MAPK10: variants seen among roughly 807,000 people sequenced by gnomAD.
The protein encoded by MAPK10 is JNK3 alpha protein kinase.
MAPK10 carries 25 observed loss-of-function variants against 59.3 expected under a neutral mutation model. The observed-to-expected ratio is 0.42, with a 90% CI of 0.31 to 0.59. MAPK10 has a LOEUF of 0.59. MAPK10 is among the 20% of genes least tolerant of loss of function. MAPK10 has a pLI of 0.15. For missense variants in MAPK10, 351 were observed against 568.9 expected (o/e 0.62, Z 3.90); for synonymous variants, 190 against 200.5 (o/e 0.95, Z 0.44).
chr4:86,099,723 T>A (rs933795668), intron 8 of MAPK10: 1 of 152,222 alleles, frequency 6.6e-6, no homozygotes, highest in African/African-American at 2.4e-5. Flanking sequence ...AAAGCCCAAA[T>A]AGGCAAATTC....
chr4:86,285,769 T>C (rs2094983079), intron 2 of MAPK10, among the ~76,000 whole-genome samples: 2 of 152,204 alleles, frequency 1.3e-5, no homozygotes, highest in African/African-American at 4.8e-5. Context: ...ATGATCTGCC[T>C]TCTGCAAAAC....
At chr4:86,040,426 G>A (rs2148937998) in intron 11 of MAPK10, among the ~76,000 whole-genome samples, 1 of 152,186 alleles carries the variant, frequency 6.6e-6, no homozygotes, top group East Asian at 1.9e-4. Context: ...TTGAAGACAA[G>A]TTATTTAAAA....
intron 2 of MAPK10, chr4:86,336,611 A>T (rs1342435261): frequency 6.6e-6 from 1 of 152,154 alleles, no homozygotes; most frequent in African/African-American, 2.4e-5. Flanking sequence ...GTCTTCCCTC[A>T]TCCCTCTATC....
At chr4:86,509,577 C>T (rs1240396561) in intron 1 of MAPK10, among the ~76,000 whole-genome samples, 1 of 151,938 alleles carries the variant, frequency 6.6e-6, no homozygotes, top group East Asian at 1.9e-4. Flanking sequence ...AAATTTAAGG[C>T]AACTTGGAGA....
chr4:86,489,080 C>G (rs111559596), intron 1 of MAPK10, among the ~76,000 whole-genome samples: 1 of 152,238 alleles, frequency 6.6e-6, no homozygotes, highest in South Asian at 2.1e-4. Context: ...AGCCAACAGC[C>G]ACCTGACATC....
Position 86,314,966 on chromosome 4 carries a change from A to G in MAPK10, c.-7+39564T>C, listed in dbSNP as rs531787606. Among the ~76,000 whole-genome samples the G allele has an allele frequency of 5.2e-4, 79 of 151,916 alleles. 1 individual carries two copies. The highest frequency in any genetic ancestry group is 1.9e-3 in the African/African-American group (78 of 41,212). ...ATTATTTTTAACCTATCCCTTATTAATGAACATTTTAAATGTTTTTAATGT... is the reference window on the plus strand; with the variant it reads ...ATTATTTTTAACCTATCCCTTATTAGTGAACATTTTAAATGTTTTTAATGT... On this transcript the variant is annotated intron_variant, in intron 2 of 13. Transcript: ENST00000641462.
intron 9 of MAPK10, chr4:86,080,521 A>G (rs889167261): frequency 1.3e-4 from 20 of 152,000 alleles, no homozygotes; most frequent in Non-Finnish European, 2.9e-4. Flanking sequence ...TAAAAATAAG[A>G]GTTTTATTAT....
intron 1 of MAPK10, among the ~76,000 whole-genome samples, chr4:86,524,518 C>T (rs1757330394): frequency 6.6e-6 from 1 of 152,190 alleles, no homozygotes. Context: ...TTTCAGTAGT[C>T]TCCTAGTTAT....
At chr4:86,243,608 C>T (rs1029582368) in intron 2 of MAPK10, among the ~76,000 whole-genome samples, 6 of 152,126 alleles carry the variant, frequency 3.9e-5, no homozygotes, top group Non-Finnish European at 7.4e-5. Context: ...CATGCCCTTT[C>T]CTCAGCCTGA....
At chr4:86,072,093 G>A (rs1425904573) in intron 9 of MAPK10, among the ~76,000 whole-genome samples, 2 of 149,710 alleles carry the variant, frequency 1.3e-5, no homozygotes, top group Non-Finnish European at 3.0e-5. Context: ...AGTTCTCCTT[G>A]AAGAGGTCCT....
At chr4:86,066,752 CAA>C (rs60413311) in intron 10 of MAPK10, among the ~76,000 whole-genome samples, 13,299 of 86,040 alleles carry the variant, frequency 0.15, 455 homozygotes, top group African/African-American at 0.28. Flanking sequence ...GACTCTGTCT[CAA>C]AAAAAAAAAA....
intron 3 of MAPK10, among the ~76,000 whole-genome samples, chr4:86,172,643 G>A (rs1020991515): frequency 6.6e-6 from 1 of 151,080 alleles, no homozygotes; most frequent in Non-Finnish European, 1.5e-5. Context: ...GTTAATGGGT[G>A]CAGCACACCA....
chr4:86,400,333 G>A (rs773550056), intron 1 of MAPK10, among the ~76,000 whole-genome samples: 16 of 151,958 alleles, frequency 1.1e-4, no homozygotes, highest in Middle Eastern at 3.2e-3. Context: ...ATAAAGTGTC[G>A]TATTACAAGG....
chr4:86,120,466 C>T (rs2059053073), intron 4 of MAPK10: 1 of 152,172 alleles, frequency 6.6e-6, no homozygotes, highest in Non-Finnish European at 1.5e-5. Flanking sequence ...CTCAGCAGCT[C>T]ATCACCACAG....
At chr4:86,194,979 T>A (rs1304523032) in intron 2 of MAPK10, among the ~76,000 whole-genome samples, 1 of 152,074 alleles carries the variant, frequency 6.6e-6, no homozygotes, top group Non-Finnish European at 1.5e-5. Context: ...ACAAAAATGA[T>A]TATATATTGC....
intron 1 of MAPK10, among the ~76,000 whole-genome samples, chr4:86,428,183 C>T (rs1481967954): frequency 6.6e-6 from 1 of 151,796 alleles, no homozygotes; most frequent in Non-Finnish European, 1.5e-5. Flanking sequence ...CTCTGTCGCC[C>T]AGGCTGGAGC....
Position 86,101,580 on chromosome 4 carries a change from T to C in MAPK10, c.564+314A>G, listed in dbSNP as rs2055403848. On this transcript the variant is annotated intron_variant, in intron 7 of 13. Transcript: ENST00000641462. Reference sequence around the variant, plus strand: ...GAACAGATCAGGGAAGCTGTCTTTATGCTGCCAGAAACATCTATGGAAATG... The same window carrying C: ...GAACAGATCAGGGAAGCTGTCTTTACGCTGCCAGAAACATCTATGGAAATG... The C allele has an allele frequency of 7.4e-6, 3 of 407,152 alleles. No homozygotes were observed. The Admixed American group carries it at 1.2e-4, about 16-fold the overall frequency. The allele number at this position is 407,152 out of a possible 1,614,324, so 25.2% of individuals were successfully genotyped here.
chr4:86,528,786 C>T (rs1419981372), intron 1 of MAPK10, among the ~76,000 whole-genome samples: 1 of 152,170 alleles, frequency 6.6e-6, no homozygotes, highest in Admixed American at 6.5e-5. Context: ...ATATATCTTG[C>T]CTAATTTTGT....
At chr4:86,231,672 A>G (rs1469086158) in intron 2 of MAPK10, among the ~76,000 whole-genome samples, 1 of 152,098 alleles carries the variant, frequency 6.6e-6, no homozygotes, top group East Asian at 1.9e-4. Context: ...AAAAAAAGAA[A>G]AAAGAAAAAA....
Sources: gnomAD v4.1 joint callset for allele counts (sites outside exome capture counted in the v4.1 genomes callset) on GRCh38, gnomAD v4.1.1 for gene constraint, MANE v1.5 for transcripts, NCBI Gene and HGNC (gene_info 2026-07-23, HGNC 2026-07-21) for gene names.